NCEH1: variants seen among roughly 807,000 people sequenced by gnomAD.
The protein encoded by NCEH1 is 2-acetyl MAGE hydrolase.
Under a neutral mutation model 25.4 loss-of-function variants are expected in NCEH1, and 9 were observed. The ratio of observed to expected loss-of-function variants is 0.35; its 90% CI spans 0.21 to 0.62. NCEH1 has a LOEUF of 0.62. Among genes scored for constraint, NCEH1 ranks in the 20% least tolerant of loss-of-function variants. The pLI is 0.72. For missense variants in NCEH1, 412 were observed against 501.1 expected (o/e 0.82, Z 1.70); for synonymous variants, 200 against 199.8 (o/e 1.00, Z -0.01).
chr3:172,659,235 A>T (rs1213606354), intron 1 of NCEH1, among the ~76,000 whole-genome samples: 1 of 152,154 alleles, frequency 6.6e-6, no homozygotes, highest in African/African-American at 2.4e-5. Context: ...GTTTTGCAAA[A>T]GCTTTGAAAG....
At chr3:172,648,666 G>T (rs1717249025) in intron 1 of NCEH1, among the ~76,000 whole-genome samples, 1 of 151,950 alleles carries the variant, frequency 6.6e-6, no homozygotes, top group Non-Finnish European at 1.5e-5. Context: ...CCTTTTGAAA[G>T]GAGCGTGTGA....
In NCEH1 at chr3:172,633,734, C is replaced by T. The variant is rs1308677449; in HGVS notation, c.968G>A (p.Arg323His). ...CTGGTCTGCAATGAGTGGGGCGGAG[C>T]GGGCATCCAGCAACTGAGGAAGCTC... Reference protein sequence around the residue: ...VQELPQLLDARSAPLIADQAV... With the variant: ...VQELPQLLDAHSAPLIADQAV... Residue 323 changes from arginine to histidine, a missense_variant, in exon 5 of 5, where the codon CGC becomes CAC. Transcript: ENST00000475381. 13 of 1,614,046 alleles carry T rather than the reference C, an allele frequency of 8.1e-6. No homozygotes were observed. Among genetic ancestry groups the T allele is most frequent in the African/African-American group, 1.3e-5 (1 of 74,912 alleles).
intron 1 of NCEH1, among the ~76,000 whole-genome samples, chr3:172,670,369 T>A (rs949627402): frequency 5.9e-5 from 9 of 152,200 alleles, no homozygotes; most frequent in Non-Finnish European, 1.3e-4. Context: ...TACTACAGCG[T>A]TTATACTTTT....
intron 1 of NCEH1, among the ~76,000 whole-genome samples, chr3:172,693,451 C>T (rs1348282067): frequency 2.1e-5 from 3 of 142,720 alleles, no homozygotes; most frequent in Admixed American, 7.0e-5. Flanking sequence ...CTTCTAAAGC[C>T]TGAATATGAA....
intron 1 of NCEH1, among the ~76,000 whole-genome samples, chr3:172,668,842 C>A (rs566201824): frequency 6.6e-6 from 1 of 152,038 alleles, no homozygotes; most frequent in South Asian, 2.1e-4. Context: ...GAAGGCAGAG[C>A]GTGAGCAAGC....
chr3:172,682,423 A>G (rs73173345), intron 1 of NCEH1, among the ~76,000 whole-genome samples: 18,111 of 152,194 alleles, frequency 0.12, 1,370 homozygotes, highest in Non-Finnish European at 0.17. Flanking sequence ...GTTACGTATA[A>G]GTCCTGGGTC....
chr3:172,667,464 A>T lies in NCEH1; in HGVS notation c.139-19350T>A, dbSNP rs111572887. Among the ~76,000 whole-genome samples, 439 of 152,326 alleles carry T rather than the reference A, an allele frequency of 2.9e-3. 2 individuals carry two copies. The highest frequency in any genetic ancestry group is 9.9e-3 in the African/African-American group (411 of 41,576). On this transcript the variant is annotated intron_variant, in intron 1 of 4. Transcript: ENST00000475381. Reference sequence around the variant, plus strand: ...CACACAGGTTTAGGAAGTCAAAGGGAAATCACAGAAGGTGGATGACCTAAG... The same window carrying T: ...CACACAGGTTTAGGAAGTCAAAGGGTAATCACAGAAGGTGGATGACCTAAG...
rs146313808 is a variant in NCEH1 at position 172,661,001 on chromosome 3, C to T, written c.139-12887G>A. Among the ~76,000 whole-genome samples the T allele has an allele frequency of 5.3e-4, 80 of 152,288 alleles. No homozygotes were observed. In the East Asian group the frequency reaches 0.014, roughly 27 times the overall value. ...ATTAGATCCCATTTGTCTATTTTGG[C>T]TTTTGCTGCTATTGCTTTTGGTGTT... On this transcript the variant is annotated intron_variant, in intron 1 of 4. Transcript: ENST00000475381.
intron 1 of NCEH1, among the ~76,000 whole-genome samples, chr3:172,686,003 AC>A (rs1712674580): frequency 6.6e-6 from 1 of 152,232 alleles, no homozygotes; most frequent in Non-Finnish European, 1.5e-5. Flanking sequence ...TCTGTGATTC[AC>A]TCAGCTCAGG....
chr3:172,683,402 CAAAAAAA>C (rs1165644401), intron 1 of NCEH1, among the ~76,000 whole-genome samples: 7 of 15,700 alleles, frequency 4.5e-4, no homozygotes, highest in African/African-American at 1.3e-3. Flanking sequence ...GACTCCGTCT[CAAAAAAA>C]AAAAAAAAAA....
rs1716305289 is a variant in NCEH1, at chr3:172,630,689, T to C, written c.*2786A>G. 1 of 152,192 alleles carries C rather than the reference T, an allele frequency of 6.6e-6. No individual in the cohort carries two copies. The highest frequency in any genetic ancestry group is 1.5e-5 in the Non-Finnish European group (1 of 68,038). 9.4% of individuals were successfully genotyped at this position (152,192 alleles called of 1,614,324 possible). A position where few individuals can be genotyped will look rare whatever the true frequency, so the allele number is the denominator to read the frequency against. ...GGAGCAATTTTATTTCCAAACATGA[T>C]TCAGAATAGATAGATGCTTTGCTAC... On this transcript the variant is annotated 3_prime_UTR_variant, in exon 5 of 5. Coordinates refer to ENST00000475381, the MANE Select transcript of NCEH1 (RefSeq NM_020792.6).
intron 1 of NCEH1, among the ~76,000 whole-genome samples, chr3:172,670,273 C>T (rs1249951020): frequency 2.6e-5 from 4 of 152,184 alleles, no homozygotes; most frequent in African/African-American, 9.6e-5. Context: ...GAGCTGTCAG[C>T]CTTTCTCCTT....
chr3:172,678,055 TCTC>T (rs1219739076), intron 1 of NCEH1, among the ~76,000 whole-genome samples: 2 of 152,196 alleles, frequency 1.3e-5, no homozygotes, highest in Non-Finnish European at 2.9e-5. Flanking sequence ...AACGGAAACC[TCTC>T]CTATTACACA....
At chr3:172,666,706 C>T (rs1032965284) in intron 1 of NCEH1, among the ~76,000 whole-genome samples, 4 of 152,190 alleles carry the variant, frequency 2.6e-5, no homozygotes, top group Non-Finnish European at 5.9e-5. Flanking sequence ...AAATCTCAAT[C>T]TCAGATCTGT....
chr3:172,645,329 G>T (rs1717066414), intron 3 of NCEH1, among the ~76,000 whole-genome samples: 2 of 152,154 alleles, frequency 1.3e-5, no homozygotes, highest in Non-Finnish European at 2.9e-5. Flanking sequence ...GATTTAAAAA[G>T]TTATATGTTG....
intron 3 of NCEH1, among the ~76,000 whole-genome samples, chr3:172,639,554 T>C (rs1402049530): frequency 6.6e-6 from 1 of 152,166 alleles, no homozygotes; most frequent in Non-Finnish European, 1.5e-5. Flanking sequence ...TGCAAAGTAG[T>C]GAAAGAGGGT....
intron 1 of NCEH1, among the ~76,000 whole-genome samples, chr3:172,683,330 G>A (rs1338101767): frequency 1.3e-5 from 1 of 76,338 alleles, no homozygotes; most frequent in Non-Finnish European, 2.9e-5. Context: ...GTGAACCCGG[G>A]AGGCGGAGCT....
At chr3:172,674,356 T>A (rs1577075195) in intron 1 of NCEH1, among the ~76,000 whole-genome samples, 1 of 148,014 alleles carries the variant, frequency 6.8e-6, no homozygotes, top group African/African-American at 2.5e-5. Flanking sequence ...GGCAGAAGAA[T>A]CGCTTGAACC....
intron 3 of NCEH1, among the ~76,000 whole-genome samples, chr3:172,640,609 G>A (rs750195289): frequency 3.5e-4 from 53 of 152,268 alleles, no homozygotes; most frequent in Non-Finnish European, 6.3e-4. Flanking sequence ...CCAGGTTCAC[G>A]CCATTCTCCT....
Sources: allele counts gnomAD v4.1 joint callset (sites outside exome capture counted in the v4.1 genomes callset), GRCh38; gene constraint gnomAD v4.1.1; transcripts MANE v1.5; gene names NCBI Gene and HGNC (gene_info 2026-07-23, HGNC 2026-07-21).